The following LAMC1 variants were observed in gnomAD, a reference collection of about 807,000 sequenced individuals.
LAMC1 encodes the protein laminin subunit gamma-1.
Under a neutral mutation model 173.6 loss-of-function variants are expected in LAMC1, and 38 were observed. The ratio of observed to expected loss-of-function variants is 0.22; its 90% CI spans 0.17 to 0.29. The LOEUF is 0.29. Ranked by LOEUF, LAMC1 falls within the 10% of genes least tolerant of loss-of-function variation. LAMC1 has a pLI of 1.00. For missense variants in LAMC1, 1,824 were observed against 2,051.8 expected (o/e 0.89, Z 2.14); for synonymous variants, 746 against 749.1 (o/e 1.00, Z 0.07).
intron 1 of LAMC1, among the ~76,000 whole-genome samples, chr1:183,037,260 T>C (rs1654007721): frequency 6.6e-6 from 1 of 152,228 alleles, no homozygotes; most frequent in Non-Finnish European, 1.5e-5. Context: ...GGATGATCAG[T>C]GGCTTCATTT....
intron 1 of LAMC1, among the ~76,000 whole-genome samples, chr1:183,030,680 C>T (rs1164467842): frequency 6.6e-6 from 1 of 152,030 alleles, no homozygotes; most frequent in African/African-American, 2.4e-5. Flanking sequence ...ATTGGAAAGG[C>T]CTATGACTGT....
Position 183,142,638 on chromosome 1 carries a change from G to C in LAMC1, c.4678G>C (p.Asp1560His), listed in dbSNP as rs747246108. The C allele has an allele frequency of 5.0e-6, 8 of 1,614,148 alleles. No homozygotes were observed. The highest frequency in any genetic ancestry group is 5.9e-6 in the Non-Finnish European group (7 of 1,179,996). ...CAGCGATCTTGATAGGAAAGTGTCT[G>C]ACCTGGAGAATGAAGCCAAGAAGCA... ...KVSDLDRKVSDLENEAKKQEA... is the reference protein window; with the variant it reads ...KVSDLDRKVSHLENEAKKQEA... Residue 1560 changes from aspartate (D) to histidine (H), a missense_variant, in exon 28 of 28, where the codon GAC becomes CAC. Transcript: ENST00000258341.
At chr1:183,135,469 T>G (rs866547522) in intron 24 of LAMC1, among the ~76,000 whole-genome samples, 4 of 152,180 alleles carry the variant, frequency 2.6e-5, no homozygotes, top group Admixed American at 6.5e-5. Flanking sequence ...TGTTGTTGTT[T>G]TTTTTTCTTC....
At chr1:183,041,578 A>G (rs191617540) in intron 1 of LAMC1, among the ~76,000 whole-genome samples, 18 of 152,298 alleles carry the variant, frequency 1.2e-4, no homozygotes, top group Admixed American at 9.2e-4. Flanking sequence ...CCATTAGCTG[A>G]GTTCATCAAA....
At chr1:183,088,779 A>G (rs1271767882) in intron 1 of LAMC1, among the ~76,000 whole-genome samples, 1 of 152,218 alleles carries the variant, frequency 6.6e-6, no homozygotes, top group Non-Finnish European at 1.5e-5. Flanking sequence ...ATCTGGAAAG[A>G]TGGATAGGGC....
Position 183,142,697 on chromosome 1 carries a change from C to T in LAMC1, c.4737C>T (p.Ile1579=), listed in dbSNP as rs139212722. The T allele has an allele frequency of 5.4e-4, 864 of 1,614,016 alleles. 4 individuals carry two copies. In the Middle Eastern group the frequency reaches 0.01, roughly 19 times the overall value. Residue 1579 remains isoleucine (I), a synonymous_variant, in exon 28 of 28, where the codon ATC becomes ATT. Transcript: ENST00000258341. ...EAAIMDYNRD[I]EEIMKDIRNL... ...CCATCATGGACTATAACCGAGATAT[C>T]GAGGAGATCATGAAGGACATTCGCA...
chr1:183,132,150 T>G (rs1656812736), intron 20 of LAMC1, among the ~76,000 whole-genome samples: 1 of 152,148 alleles, frequency 6.6e-6, no homozygotes, highest in African/African-American at 2.4e-5. Flanking sequence ...ATGCATTAGC[T>G]GGGCATGGTG....
chr1:183,052,021 C>G (rs1345361348), intron 1 of LAMC1, among the ~76,000 whole-genome samples: 7 of 152,142 alleles, frequency 4.6e-5, no homozygotes, highest in Non-Finnish European at 1.0e-4. Flanking sequence ...AAAAATCATT[C>G]CTTTCATTGG....
In LAMC1 at chr1:183,142,795, T is replaced by C. The variant is rs1314237291; in HGVS notation, c.*5T>C. The C allele has an allele frequency of 6.2e-7, 1 of 1,601,688 alleles. No individual in the cohort carries two copies. The highest frequency in any genetic ancestry group is 1.3e-5 in the African/African-American group (1 of 74,586). On this transcript the variant is annotated 3_prime_UTR_variant, in exon 28 of 28. Coordinates refer to ENST00000258341, the MANE Select transcript of LAMC1 (RefSeq NM_002293.4). ...CCGTCCATTGAAAAGCCCTAGTGTC[T>C]TTAGGGCTGGAAGGCAGCATCCCTC...
chr1:183,097,864 G>A (rs1655733614), intron 1 of LAMC1, among the ~76,000 whole-genome samples: 1 of 152,286 alleles, frequency 6.6e-6, no homozygotes, highest in East Asian at 1.9e-4. Flanking sequence ...GAAGGGATAT[G>A]GCAGGGGGAG....
intron 1 of LAMC1, among the ~76,000 whole-genome samples, chr1:183,041,635 T>C (rs554288490): frequency 8.1e-4 from 124 of 152,252 alleles, no homozygotes; most frequent in African/African-American, 2.9e-3. Context: ...TTACAAAGAT[T>C]TATTAAGCAC....
chr1:183,075,825 G>C (rs1319800181), intron 1 of LAMC1, among the ~76,000 whole-genome samples: 4 of 152,164 alleles, frequency 2.6e-5, no homozygotes, highest in Admixed American at 2.6e-4. Flanking sequence ...ACAAGCATTT[G>C]ATGGAGCAAA....
At chr1:183,062,230 TACG>T (rs1654760716) in intron 1 of LAMC1, among the ~76,000 whole-genome samples, 1 of 152,264 alleles carries the variant, frequency 6.6e-6, no homozygotes, top group Admixed American at 6.5e-5. Flanking sequence ...GTTTCAAAGA[TACG>T]AAGATTCTAA....
chr1:183,063,423 T>C (rs967058946), intron 1 of LAMC1, among the ~76,000 whole-genome samples: 4 of 152,224 alleles, frequency 2.6e-5, no homozygotes, highest in Non-Finnish European at 5.9e-5. Context: ...GAAGTTGGAG[T>C]TGTAATGTAT....
chr1:183,036,638 G>A (rs934582507), intron 1 of LAMC1, among the ~76,000 whole-genome samples: 3 of 152,020 alleles, frequency 2.0e-5, no homozygotes, highest in Non-Finnish European at 2.9e-5. Context: ...TGATCCGCCC[G>A]CCTCGGCTTC....
At position 183,023,512 on chromosome 1, in the gene LAMC1, GC is replaced by G. The variant is rs1653586686; in HGVS notation, c.-204del. ...GGAAGCGCGGAGGCGGCGCGCGGGGGCAGTGGTCGGCGAGCAGCGCGGTCCT... is the reference window on the plus strand; with the variant it reads ...GGAAGCGCGGAGGCGGCGCGCGGGGGAGTGGTCGGCGAGCAGCGCGGTCCT... On this transcript the variant is annotated 5_prime_UTR_variant, in exon 1 of 28. Transcript: ENST00000258341. 2.0e-5 allele frequency: 5 copies of G among 248,142 alleles called. No homozygotes were observed. The East Asian group carries it at 4.6e-4, about 23-fold the overall frequency. 15.4% of individuals were successfully genotyped at this position (248,142 alleles called of 1,614,324 possible). A position where few individuals can be genotyped will look rare whatever the true frequency, so the allele number is the denominator to read the frequency against.
chr1:183,135,487 A>T (rs1328996663), intron 24 of LAMC1, among the ~76,000 whole-genome samples: 1 of 151,986 alleles, frequency 6.6e-6, no homozygotes, highest in Non-Finnish European at 1.5e-5. Flanking sequence ...TTCACCCCAG[A>T]TAGAAGAGAA....
At chr1:183,115,445 T>C (rs900598949) in intron 5 of LAMC1, 75 bp from the exon 6 acceptor site, 2 of 942,450 alleles carry the variant, frequency 2.1e-6, no homozygotes, top group Admixed American at 3.6e-5. Context: ...TTACCAGTTA[T>C]CTTTCTTTAA....
chr1:183,036,396 C>CTT (rs768370901), intron 1 of LAMC1, among the ~76,000 whole-genome samples: 1,440 of 96,344 alleles, frequency 0.015, 26 homozygotes, highest in Admixed American at 0.032. Flanking sequence ...CCACGCCAGT[C>CTT]TTTTTTTTTT....
Sources: allele counts gnomAD v4.1 joint callset (sites outside exome capture counted in the v4.1 genomes callset), GRCh38; gene constraint gnomAD v4.1.1; transcripts MANE v1.5; gene names NCBI Gene and HGNC (gene_info 2026-07-23, HGNC 2026-07-21).